HIPK2: variants seen among roughly 807,000 people sequenced by gnomAD.
HIPK2 encodes the protein homeodomain interacting protein kinase 2.
HIPK2 carries 27 observed loss-of-function variants against 113.7 expected under a neutral mutation model. The observed-to-expected ratio is 0.24, with a 90% CI of 0.17 to 0.33. HIPK2 has a LOEUF of 0.33. Ranked by LOEUF, HIPK2 falls within the 10% of genes least tolerant of loss-of-function variation. The pLI is 1.00. For missense variants in HIPK2, 1,257 were observed against 1,588.0 expected (o/e 0.79, Z 3.54); for synonymous variants, 631 against 642.2 (o/e 0.98, Z 0.26).
intron 10 of HIPK2, among the ~76,000 whole-genome samples, chr7:139,601,801 T>C (rs983511376): frequency 6.6e-6 from 1 of 152,176 alleles, no homozygotes; most frequent in Non-Finnish European, 1.5e-5. Flanking sequence ...GGATAATTCA[T>C]TTGAATTTTA....
intron 1 of HIPK2, among the ~76,000 whole-genome samples, chr7:139,730,839 G>A (rs1795754758): frequency 6.6e-6 from 1 of 152,120 alleles, no homozygotes; most frequent in Non-Finnish European, 1.5e-5. Flanking sequence ...CATATGACTG[G>A]TGTCCTTGTA....
rs568272674 is a variant in HIPK2 at position 139,683,237 on chromosome 7, C to T, written c.1103+32695G>A. ...CGTGCCACACACGAGGATAAAAATG[C>T]GAACAGAGACTGCATTAGCTGCCTG... On this transcript the variant is annotated intron_variant, in intron 2 of 14. Coordinates refer to ENST00000406875, the MANE Select transcript of HIPK2 (RefSeq NM_022740.5). This position sits in a 1 kb window ranked among gnomAD's most constrained non-coding sequence, Gnocchi z 4.2. Among the ~76,000 whole-genome samples the T allele has an allele frequency of 2.0e-5, 3 of 152,278 alleles. No individual in the cohort carries two copies. Among genetic ancestry groups the T allele is most frequent in the South Asian group, 2.1e-4 (1 of 4,822 alleles).
intron 7 of HIPK2, among the ~76,000 whole-genome samples, chr7:139,618,484 C>T (rs986723405): frequency 6.6e-6 from 1 of 152,206 alleles, no homozygotes; most frequent in Admixed American, 6.5e-5. Flanking sequence ...ACCAGCTACT[C>T]CTACTTCACC....
chr7:139,613,405 A>T lies in HIPK2; in HGVS notation c.1991-82T>A. 1.3e-6 allele frequency: 2 copies of T among 1,534,508 alleles called. No individual in the cohort carries two copies. The highest frequency in any genetic ancestry group is 2.4e-5 in the South Asian group (2 of 83,284). On this transcript the variant is annotated intron_variant, in intron 8 of 14. Coordinates refer to ENST00000406875, the MANE Select transcript of HIPK2 (RefSeq NM_022740.5). The surrounding 1 kb of genome is among the most constrained non-coding windows in gnomAD (Gnocchi z 4.2). ...ATGAAAAGAACCTTCCTGGGCAGTT[A>T]TGTCAACTTTCTGCTTCCCTTTGCA...
At chr7:139,748,909 C>T (rs1297992476) in intron 1 of HIPK2, among the ~76,000 whole-genome samples, 1 of 152,192 alleles carries the variant, frequency 6.6e-6, no homozygotes, top group Non-Finnish European at 1.5e-5. Context: ...GGCTACTCAG[C>T]TTTGTGGGAG....
chr7:139,702,141 G>A (rs1291533841), intron 2 of HIPK2, among the ~76,000 whole-genome samples: 2 of 152,194 alleles, frequency 1.3e-5, no homozygotes, highest in Non-Finnish European at 2.9e-5. Flanking sequence ...GCAGGCCGGG[G>A]CACGAGACAG....
chr7:139,690,687 T>C (rs1186724847), intron 2 of HIPK2, among the ~76,000 whole-genome samples: 1 of 151,868 alleles, frequency 6.6e-6, no homozygotes, highest in Non-Finnish European at 1.5e-5. Context: ...ATAAAATAAA[T>C]ACAAATTTAA....
chr7:139,701,601 C>T (rs2116850826), intron 2 of HIPK2, among the ~76,000 whole-genome samples: 1 of 152,308 alleles, frequency 6.6e-6, no homozygotes, highest in East Asian at 1.9e-4. Flanking sequence ...CATTCGTGTT[C>T]ACCGTACAAC....
At chr7:139,624,239 G>A (rs1052672082) in intron 6 of HIPK2, among the ~76,000 whole-genome samples, 3 of 152,094 alleles carry the variant, frequency 2.0e-5, no homozygotes, top group Non-Finnish European at 4.4e-5. Context: ...GGCCAGGCTG[G>A]TCTGAGCTCC....
chr7:139,610,807 A>G (rs991963337), intron 9 of HIPK2, among the ~76,000 whole-genome samples: 3 of 152,262 alleles, frequency 2.0e-5, no homozygotes, highest in Non-Finnish European at 2.9e-5. Context: ...TAACCTGAGC[A>G]TGCCCAGATG....
At chr7:139,671,282 T>C (rs1033194188) in intron 2 of HIPK2, among the ~76,000 whole-genome samples, 1 of 152,160 alleles carries the variant, frequency 6.6e-6, no homozygotes, top group Admixed American at 6.5e-5. Context: ...ATTCTAAAGG[T>C]AAAAAGTAGA....
chr7:139,738,086 C>A (rs1225409857), intron 1 of HIPK2, among the ~76,000 whole-genome samples: 3 of 152,236 alleles, frequency 2.0e-5, no homozygotes, highest in African/African-American at 7.2e-5. Flanking sequence ...ACTTAGCAGT[C>A]CTGTTTTATA....
At chr7:139,737,479 T>C (rs549890366) in intron 1 of HIPK2, among the ~76,000 whole-genome samples, 4 of 152,190 alleles carry the variant, frequency 2.6e-5, no homozygotes, top group Non-Finnish European at 4.4e-5. Flanking sequence ...TAACACCAGT[T>C]AGTGAAAGAA....
At chr7:139,679,381 G>T (rs1408685009) in intron 2 of HIPK2, among the ~76,000 whole-genome samples, 1 of 152,162 alleles carries the variant, frequency 6.6e-6, no homozygotes, top group Non-Finnish European at 1.5e-5. Flanking sequence ...TTTTGAAGGG[G>T]ACCCATTAAA....
chr7:139,732,817 A>ATG lies in HIPK2; in HGVS notation c.20-15803_20-15802insCA, dbSNP rs1188145093. Among the ~76,000 whole-genome samples, 164 of 132,118 alleles carry ATG rather than the reference A, an allele frequency of 1.2e-3. 1 individual carries two copies. Among genetic ancestry groups the ATG allele is most frequent in the African/African-American group, 4.9e-3 (136 of 27,728 alleles). The allele number at this position is 132,118 out of a possible 152,430, so 86.7% of individuals were successfully genotyped here. A position where few individuals can be genotyped will look rare whatever the true frequency, so the allele number is the denominator to read the frequency against. ...ATAATATATATAACATATTATATAT[A>ATG]TATGTGTGTGTGTGTGTGTGTGTGT... On this transcript the variant is annotated intron_variant, in intron 1 of 14. Coordinates refer to ENST00000406875, the MANE Select transcript of HIPK2 (RefSeq NM_022740.5).
chr7:139,761,061 C>T (rs1337996551), intron 1 of HIPK2, among the ~76,000 whole-genome samples: 1 of 152,012 alleles, frequency 6.6e-6, no homozygotes, highest in Non-Finnish European at 1.5e-5. Context: ...AGAAAAAAAC[C>T]ACGTGTTACT....
intron 9 of HIPK2, among the ~76,000 whole-genome samples, chr7:139,609,230 A>G (rs1799730338): frequency 6.6e-6 from 1 of 152,172 alleles, no homozygotes; most frequent in African/African-American, 2.4e-5. Flanking sequence ...AGCTCCTTTT[A>G]GGCAGTACCA....
intron 2 of HIPK2, among the ~76,000 whole-genome samples, chr7:139,684,488 G>A (rs965647023): frequency 3.3e-5 from 5 of 152,168 alleles, no homozygotes; most frequent in South Asian, 2.1e-4. Flanking sequence ...AGGCTAAGGC[G>A]GGAGGACTGC....
At chr7:139,614,036 A>G (rs1468378292) in intron 8 of HIPK2, among the ~76,000 whole-genome samples, 1 of 152,240 alleles carries the variant, frequency 6.6e-6, no homozygotes, top group African/African-American at 2.4e-5. Flanking sequence ...ACAGCTGGCC[A>G]GGGACACAGT....
Sources: gnomAD v4.1 joint callset for allele counts (sites outside exome capture counted in the v4.1 genomes callset) on GRCh38, gnomAD v4.1.1 for gene constraint, Gnocchi (gnomAD v3.1) non-coding constraint, MANE v1.5 for transcripts, NCBI Gene and HGNC (gene_info 2026-07-23, HGNC 2026-07-21) for gene names.